SLCO1B3: variants seen among roughly 807,000 people sequenced by gnomAD.
SLCO1B3 encodes the protein solute carrier organic anion transporter family member 1B3, also known as liver-specific organic anion transporter 2.
SLCO1B3 carries 72 observed loss-of-function variants against 71.8 expected under a neutral mutation model. The observed-to-expected ratio is 1.00, with a 90% confidence interval of 0.83 to 1.22. The LOEUF (loss-of-function observed/expected upper bound fraction) is 1.22. SLCO1B3 is among the 50% of genes most tolerant of loss of function. The pLI, the probability that SLCO1B3 is intolerant of heterozygous loss-of-function variation, is 0.00. For missense variants in SLCO1B3, 911 were observed against 819.7 expected (o/e 1.11, Z -1.36); for synonymous variants, 298 against 278.4 (o/e 1.07, Z -0.70).
rs1591764653 is a variant in SLCO1B3 at position 20,858,428 on chromosome 12, T to G, written c.227-11T>G. The G allele has an allele frequency of 6.4e-7, 1 of 1,567,450 alleles. No individual in the cohort carries two copies. The highest frequency in any genetic ancestry group is 2.2e-5 in the East Asian group (1 of 44,512). ...CTAAGTCATATCAACATAATTTTGT[T>G]TTTTTTCTAGGAAATTTGCTTGTGA... On this transcript the variant is annotated splice_polypyrimidine_tract_variant and intron_variant, in intron 4 of 15. Coordinates refer to ENST00000381545, the MANE Select transcript of SLCO1B3 (RefSeq NM_019844.4).
intron 3 of SLCO1B3, among the ~76,000 whole-genome samples, chr12:20,824,433 C>T (rs1431576661): frequency 6.6e-6 from 1 of 152,078 alleles, no homozygotes; most frequent in African/African-American, 2.4e-5. Context: ...TTTAGGAGTA[C>T]TCCTCAGAGT....
At chr12:20,856,323 T>C (rs1303452969) in intron 4 of SLCO1B3, among the ~76,000 whole-genome samples, 1 of 152,162 alleles carries the variant, frequency 6.6e-6, no homozygotes, top group East Asian at 1.9e-4. Flanking sequence ...TATACCTTCA[T>C]GTATAGATGA....
intron 8 of SLCO1B3, among the ~76,000 whole-genome samples, chr12:20,867,341 T>C (rs757719152): frequency 2.6e-5 from 4 of 152,144 alleles, no homozygotes; most frequent in Non-Finnish European, 4.4e-5. Flanking sequence ...AGGAAACAAA[T>C]TTCTACTGGA....
In SLCO1B3 at chr12:20,868,324, CTGTT is replaced by C. The variant is rs566761418; in HGVS notation, c.727+5473_727+5476del. ...CCAAAAGTTACAGACAGATTGTCAA[CTGTT>C]TGGGGGGTCAGCCACCCTAAATCCC... On this transcript the variant is annotated intron_variant, in intron 8 of 15. Transcript: ENST00000381545. Among the ~76,000 whole-genome samples, 203 of 152,242 alleles carry C rather than the reference CTGTT, an allele frequency of 1.3e-3. 2 individuals are homozygous for C. The Middle Eastern group carries it at 0.017, about 13-fold the overall frequency.
rs1865286278 is a variant in SLCO1B3, at chr12:20,862,486, A to G, written c.556A>G (p.Thr186Ala). The stretch of plus-strand genomic sequence containing the variant: ...GAATATGCTTCGTGGCATAGGGGAA[A>G]CCCCCATAGTACCATTGGGGATTTC... ...MGNMLRGIGETPIVPLGISYI... is the reference protein window; with the variant it reads ...MGNMLRGIGEAPIVPLGISYI... Residue 186 changes from threonine to alanine, a missense_variant, in exon 7 of 16, where the codon ACC becomes GCC. Transcript: ENST00000381545. The G allele has an allele frequency of 6.2e-7, 1 of 1,612,472 alleles. No individual in the cohort carries two copies. Among genetic ancestry groups the G allele is most frequent in the Non-Finnish European group, 8.5e-7 (1 of 1,179,004 alleles).
intron 3 of SLCO1B3, among the ~76,000 whole-genome samples, chr12:20,834,683 G>A (rs1395872877): frequency 2.0e-5 from 3 of 151,990 alleles, no homozygotes; most frequent in African/African-American, 7.2e-5. Flanking sequence ...GGGTCCCTCA[G>A]TCTTGGGCAG....
At chr12:20,911,621 A>G (rs1011810534) in intron 15 of SLCO1B3, among the ~76,000 whole-genome samples, 1 of 152,216 alleles carries the variant, frequency 6.6e-6, no homozygotes, top group African/African-American at 2.4e-5. Context: ...TAACAGATAT[A>G]GATCTATTCA....
In SLCO1B3 at chr12:20,897,136, TG is replaced by T. The variant is rs150709547; in HGVS notation, c.1683-1299del. On this transcript the variant is annotated intron_variant, in intron 13 of 15. Transcript: ENST00000381545. Reference sequence around the variant, plus strand: ...CAGAGCCAAATCGTATCAGATTCATTGTCCTCAGTGTAGTTTTGTGCCCTCA... The same window carrying T: ...CAGAGCCAAATCGTATCAGATTCATTTCCTCAGTGTAGTTTTGTGCCCTCA... Among the ~76,000 whole-genome samples the T allele has an allele frequency of 6.9e-3, 1,051 of 152,338 alleles. 9 individuals carry two copies. The highest frequency in any genetic ancestry group is 0.023 in the African/African-American group (966 of 41,582).
intron 3 of SLCO1B3, among the ~76,000 whole-genome samples, chr12:20,841,902 TG>T (rs869291094): frequency 2.1e-4 from 19 of 90,990 alleles, no homozygotes; most frequent in South Asian, 3.6e-4. Flanking sequence ...TTTTTTTTTT[TG>T]AGACAGAGTC....
At chr12:20,818,677 G>A (rs891609054) in intron 3 of SLCO1B3, among the ~76,000 whole-genome samples, 11 of 152,208 alleles carry the variant, frequency 7.2e-5, no homozygotes, top group African/African-American at 9.6e-5. Context: ...GAAATGAAAG[G>A]TTCTAAGAGG....
chr12:20,853,567 C>T (rs370612495), intron 3 of SLCO1B3, among the ~76,000 whole-genome samples: 31 of 151,976 alleles, frequency 2.0e-4, no homozygotes, highest in East Asian at 1.4e-3. Flanking sequence ...CTGAGACAGC[C>T]GTTGTAATGC....
intron 8 of SLCO1B3, among the ~76,000 whole-genome samples, chr12:20,864,078 A>G (rs983924305): frequency 6.6e-6 from 1 of 152,114 alleles, no homozygotes; most frequent in African/African-American, 2.4e-5. Flanking sequence ...GACTGACTGA[A>G]TTACTATGCC....
intron 11 of SLCO1B3, among the ~76,000 whole-genome samples, chr12:20,880,449 A>G (rs1436453347): frequency 6.6e-6 from 1 of 152,060 alleles, no homozygotes; most frequent in Non-Finnish European, 1.5e-5. Flanking sequence ...GAGGAACCTC[A>G]ATCTAATGCC....
In SLCO1B3 at chr12:20,870,179, A is replaced by G. The variant is rs75621850; in HGVS notation, c.728-5056A>G. Among the ~76,000 whole-genome samples the G allele has an allele frequency of 4.3e-3, 655 of 152,222 alleles. 36 individuals are homozygous for G. The East Asian group carries it at 0.11, about 24-fold the overall frequency. ...CTTTCACCTATTTTTAAATCAGGCA[A>G]TTATATTTTTTTGCTATGGAGTTGT... On this transcript the variant is annotated intron_variant, in intron 8 of 15. Coordinates refer to ENST00000381545, the MANE Select transcript of SLCO1B3 (RefSeq NM_019844.4).
At chr12:20,896,137 G>A (rs1418641463) in intron 13 of SLCO1B3, among the ~76,000 whole-genome samples, 1 of 152,182 alleles carries the variant, frequency 6.6e-6, no homozygotes, top group South Asian at 2.1e-4. Context: ...GCCTTTGACG[G>A]GAGGGGCTAC....
intron 13 of SLCO1B3, among the ~76,000 whole-genome samples, chr12:20,897,078 A>T (rs1018260429): frequency 6.6e-6 from 1 of 152,176 alleles, no homozygotes; most frequent in African/African-American, 2.4e-5. Context: ...GTATTATGTG[A>T]GTAAAATTCA....
intron 3 of SLCO1B3, among the ~76,000 whole-genome samples, chr12:20,818,541 G>T (rs1421311114): frequency 1.3e-5 from 2 of 152,114 alleles, no homozygotes; most frequent in East Asian, 1.9e-4. Flanking sequence ...AGTCCTGGGT[G>T]GGGGCAAATC....
chr12:20,899,000 G>T (rs1023967855), intron 14 of SLCO1B3, among the ~76,000 whole-genome samples: 1 of 152,142 alleles, frequency 6.6e-6, no homozygotes, highest in African/African-American at 2.4e-5. Context: ...CTAACCATTA[G>T]CAGGAGTTAA....
rs115992046 is a variant in SLCO1B3, at chr12:20,832,070, C to G, written c.84+16248C>G. Among the ~76,000 whole-genome samples, 641 of 152,308 alleles carry G rather than the reference C, an allele frequency of 4.2e-3. 4 individuals carry two copies. Among genetic ancestry groups the G allele is most frequent in the African/African-American group, 0.015 (613 of 41,568 alleles). On this transcript the variant is annotated intron_variant, in intron 3 of 15. Transcript: ENST00000381545. Reference sequence around the variant, plus strand: ...AGGCAGTCTGATTCCAAATTCCATGCTCTCAACTCTGTTTCACATTGCTAA... The same window carrying G: ...AGGCAGTCTGATTCCAAATTCCATGGTCTCAACTCTGTTTCACATTGCTAA...
Sources: allele counts gnomAD v4.1 joint callset (sites outside exome capture counted in the v4.1 genomes callset), GRCh38; gene constraint gnomAD v4.1.1; transcripts MANE v1.5; gene names NCBI Gene and HGNC (gene_info 2026-07-23, HGNC 2026-07-21).